Variants in HIKESHI observed in about 807,000 individuals in gnomAD.
HIKESHI encodes the protein heat shock protein nuclear import factor hikeshi, also known as protein Hikeshi.
HIKESHI carries 13 observed loss-of-function variants against 25.7 expected under a neutral mutation model. The ratio of observed to expected loss-of-function variants is 0.51; its 90% CI spans 0.33 to 0.80. The LOEUF (loss-of-function observed/expected upper bound fraction) is 0.80. Ranked by LOEUF, HIKESHI falls within the 30% of genes least tolerant of loss-of-function variation. The pLI is 0.02. For missense variants in HIKESHI, 174 were observed against 229.5 expected (o/e 0.76, Z 1.56); for synonymous variants, 76 against 78.7 (o/e 0.97, Z 0.18).
Position 86,306,280 on chromosome 11 carries a change from A to C in HIKESHI, c.66A>C (p.Lys22Asn), listed in dbSNP as rs774580967. 1 of 1,613,808 alleles carries C rather than the reference A, an allele frequency of 6.2e-7. No homozygotes were observed. The highest frequency in any genetic ancestry group is 1.3e-5 in the African/African-American group (1 of 75,032). The change falls in exon 2 of 5, where the codon AAA becomes AAC. Residue 22 changes from lysine to asparagine, a missense_variant. By Grantham distance (94) the Lys-to-Asn change is moderately conservative. Coordinates refer to ENST00000278483, the MANE Select transcript of HIKESHI (RefSeq NM_016401.4). ...QTAAQQVAEDKFVFDLPDYES... is the reference protein window; with the variant it reads ...QTAAQQVAEDNFVFDLPDYES... ...CTGCACAGCAAGTGGCAGAGGATAA[A>C]TTTGTTTTTGACTTACCTGATTATG... is the stretch of plus-strand genomic sequence containing the variant.
intron 1 of HIKESHI, among the ~76,000 whole-genome samples, chr11:86,303,018 A>C (rs981185749): frequency 6.6e-6 from 1 of 152,200 alleles, no homozygotes; most frequent in Admixed American, 6.5e-5. Flanking sequence ...ATTTAATTGG[A>C]AGTTGGCTGA....
At chr11:86,304,004 A>C (rs1242733002) in intron 1 of HIKESHI, among the ~76,000 whole-genome samples, 3 of 151,422 alleles carry the variant, frequency 2.0e-5, no homozygotes, top group African/African-American at 7.3e-5. Flanking sequence ...CATGCCAAAG[A>C]CTGGTGAAAT....
intron 2 of HIKESHI, among the ~76,000 whole-genome samples, chr11:86,306,804 C>T (rs1032341251): frequency 6.6e-6 from 1 of 151,344 alleles, no homozygotes; most frequent in Non-Finnish European, 1.5e-5. Flanking sequence ...CGAGACCATC[C>T]TGGATAACAC....
chr11:86,329,519 T>C (rs1947366868), intron 2 of HIKESHI, among the ~76,000 whole-genome samples: 1 of 152,028 alleles, frequency 6.6e-6, no homozygotes, highest in African/African-American at 2.4e-5. Context: ...ACAGATGTCG[T>C]GTCTATGAAA....
intron 2 of HIKESHI, among the ~76,000 whole-genome samples, chr11:86,336,999 TGAA>T (rs1947581623): frequency 6.6e-6 from 1 of 150,968 alleles, no homozygotes; most frequent in Admixed American, 6.6e-5. Flanking sequence ...TCTTTAGAGA[TGAA>T]GGAGAAATAC....
chr11:86,339,244 T>C (rs920764842), intron 3 of HIKESHI, among the ~76,000 whole-genome samples: 1 of 152,198 alleles, frequency 6.6e-6, no homozygotes, highest in Non-Finnish European at 1.5e-5. Flanking sequence ...GAGATGGGGT[T>C]TCGCCGTGTT....
At chr11:86,309,673 A>T (rs1220259551) in intron 2 of HIKESHI, among the ~76,000 whole-genome samples, 1 of 152,116 alleles carries the variant, frequency 6.6e-6, no homozygotes, top group Non-Finnish European at 1.5e-5. Context: ...GGTATTGCAT[A>T]GGTTTTCTTT....
intron 2 of HIKESHI, among the ~76,000 whole-genome samples, chr11:86,329,578 T>C (rs116712318): frequency 0.44 from 64,672 of 147,282 alleles, 14,382 homozygotes; most frequent in Admixed American, 0.49. Context: ...TGATTTCTTT[T>C]TTTTTTTTTT....
In HIKESHI at chr11:86,302,333, G is replaced by T. The variant is rs750431209; in HGVS notation, c.-116G>T. 4.2e-5 allele frequency: 54 copies of T among 1,281,520 alleles called. No homozygotes were observed. Among genetic ancestry groups the T allele is most frequent in the Non-Finnish European group, 5.7e-5 (52 of 911,118 alleles). 79.4% of individuals were successfully genotyped at this position (1,281,520 alleles called of 1,614,324 possible). On this transcript the variant is annotated 5_prime_UTR_variant, in exon 1 of 5. Coordinates refer to ENST00000278483, the MANE Select transcript of HIKESHI (RefSeq NM_016401.4). ...CTGGCCCAGTCACTATGTAGTGGAG[G>T]GGCAGACACCCTCCCGCAAATTCTG...
At chr11:86,340,890 A>C (rs1208305363) in intron 3 of HIKESHI, among the ~76,000 whole-genome samples, 1 of 152,116 alleles carries the variant, frequency 6.6e-6, no homozygotes, top group Non-Finnish European at 1.5e-5. Context: ...TGATCCACCC[A>C]CTTTGGCCTC....
chr11:86,337,954 C>T (rs749810290), intron 3 of HIKESHI, among the ~76,000 whole-genome samples: 10 of 152,310 alleles, frequency 6.6e-5, no homozygotes, highest in Middle Eastern at 3.4e-3. Context: ...TGAGCCACCA[C>T]ACCCAGCCTA....
chr11:86,308,621 C>G (rs1012374941), intron 2 of HIKESHI, among the ~76,000 whole-genome samples: 1 of 135,336 alleles, frequency 7.4e-6, no homozygotes, highest in African/African-American at 2.8e-5. Context: ...GCAGAACGTG[C>G]AGGTTCATTA....
At chr11:86,332,668 A>C (rs1181524806) in intron 2 of HIKESHI, among the ~76,000 whole-genome samples, 3 of 152,274 alleles carry the variant, frequency 2.0e-5, no homozygotes, top group Non-Finnish European at 4.4e-5. Flanking sequence ...AAAAAAAGAA[A>C]AATGTTGGAA....
chr11:86,342,723 AT>A (rs57183083), intron 3 of HIKESHI, among the ~76,000 whole-genome samples: 42 of 148,880 alleles, frequency 2.8e-4, no homozygotes, highest in Non-Finnish European at 3.6e-4. Flanking sequence ...AATTTGTCCC[AT>A]TTTTTTTTTT....
chr11:86,330,516 C>T (rs571659345), intron 2 of HIKESHI, among the ~76,000 whole-genome samples: 12 of 152,272 alleles, frequency 7.9e-5, no homozygotes, highest in African/African-American at 2.9e-4. Flanking sequence ...ATTTGCACAT[C>T]CTTCAGAGTT....
chr11:86,334,185 TAAA>T (rs1452037133), intron 2 of HIKESHI, among the ~76,000 whole-genome samples: 1 of 152,132 alleles, frequency 6.6e-6, no homozygotes, highest in East Asian at 1.9e-4. Flanking sequence ...AAAAATCTAA[TAAA>T]GTTGTTTTCC....
chr11:86,312,241 C>T (rs1308702880), intron 2 of HIKESHI, among the ~76,000 whole-genome samples: 2 of 152,088 alleles, frequency 1.3e-5, no homozygotes, highest in Admixed American at 6.6e-5. Flanking sequence ...AATCTGGGTG[C>T]CCCTGTATTG....
intron 2 of HIKESHI, among the ~76,000 whole-genome samples, chr11:86,315,654 G>A (rs1946957410): frequency 6.9e-6 from 1 of 143,972 alleles, no homozygotes; most frequent in South Asian, 2.2e-4. Flanking sequence ...TCATTCTAAA[G>A]TGAAGAAATA....
In HIKESHI at chr11:86,306,398, A is replaced by G; in HGVS notation, c.184A>G (p.Asn62Asp). 1 of 1,614,096 alleles carries G rather than the reference A, an allele frequency of 6.2e-7. No homozygotes were observed. Among genetic ancestry groups the G allele is most frequent in the Non-Finnish European group, 8.5e-7 (1 of 1,179,944 alleles). ...GSVYFSYPDS[N>D]GMPVWQLLGF... ...TGTCTACTTTTCTTATCCTGATTCA[A>G]ATGGAATGCCAGTATGGCAACTCCT... Residue 62 changes from asparagine (N) to aspartate (D), a missense_variant, in exon 2 of 5, where the codon AAT becomes GAT. By Grantham distance (23) the Asn-to-Asp change is conservative. Transcript: ENST00000278483.
Sources: gnomAD v4.1 joint callset for allele counts (sites outside exome capture counted in the v4.1 genomes callset) on GRCh38, gnomAD v4.1.1 for gene constraint, MANE v1.5 for transcripts, NCBI Gene and HGNC (gene_info 2026-07-23, HGNC 2026-07-21) for gene names.